Variants in ADAMTS16 observed in about 807,000 individuals in gnomAD.
ADAMTS16 encodes ADAM metallopeptidase with thrombospondin type 1 motif 16.
ADAMTS16 carries 94 observed loss-of-function variants against 145.8 expected under a neutral mutation model. The observed-to-expected ratio is 0.64, with a 90% CI of 0.55 to 0.77. ADAMTS16 has a LOEUF of 0.77. ADAMTS16 is among the 30% of genes least tolerant of loss of function. ADAMTS16 has a pLI of 0.00. For synonymous variants in ADAMTS16, 659 were observed against 604.3 expected (o/e 1.09, Z -1.33); for missense variants, 1,585 against 1,591.5 (o/e 1.00, Z 0.07).
intron 6 of ADAMTS16, 65 bp from the exon 7 acceptor site, chr5:5,189,906 A>G (rs959415612): frequency 4.4e-6 from 7 of 1,583,276 alleles, no homozygotes; most frequent in Middle Eastern, 1.8e-4. Context: ...TGCTGTGATG[A>G]CAATGCATTA....
chr5:5,302,786 G>A (rs1739838782), intron 18 of ADAMTS16, among the ~76,000 whole-genome samples: 1 of 152,056 alleles, frequency 6.6e-6, no homozygotes, highest in Non-Finnish European at 1.5e-5. Context: ...ATGTTATGGT[G>A]ATATTACGGT....
At chr5:5,244,356 G>A (rs192063504) in intron 17 of ADAMTS16, among the ~76,000 whole-genome samples, 18 of 152,302 alleles carry the variant, frequency 1.2e-4, no homozygotes, top group Admixed American at 4.6e-4. Flanking sequence ...CAAGAAGCAC[G>A]TTATTGCCAT....
At chr5:5,149,263 A>C (rs1734387653) in intron 3 of ADAMTS16, among the ~76,000 whole-genome samples, 1 of 152,186 alleles carries the variant, frequency 6.6e-6, no homozygotes, top group African/African-American at 2.4e-5. Flanking sequence ...GGTCCCTGTT[A>C]TATTTATGTC....
rs199905954 is a variant in ADAMTS16, at chr5:5,306,644, C to A, written c.3327C>A (p.Cys1109Ter). The A allele has an allele frequency of 6.2e-7, 1 of 1,614,032 alleles. No individual in the cohort carries two copies. The highest frequency in any genetic ancestry group is 8.5e-7 in the Non-Finnish European group (1 of 1,180,038). The change falls in exon 21 of 23, where the codon TGC becomes TGA. Residue 1109 changes from cysteine to a stop codon, truncating the protein, a stop_gained. Coordinates refer to ENST00000274181, the MANE Select transcript of ADAMTS16 (RefSeq NM_139056.4). LOFTEE classifies it high-confidence loss of function. ...PKPSLELERA[C>*]APLPCPRHPP... Reference sequence around the variant, plus strand: ...CCAGCCTGGAGCTGGAACGTGCCTGCGCCCCGCTTCCATGCCCCAGGCACC... The same window carrying A: ...CCAGCCTGGAGCTGGAACGTGCCTGAGCCCCGCTTCCATGCCCCAGGCACC...
At chr5:5,186,904 G>A (rs75512655) in intron 5 of ADAMTS16, among the ~76,000 whole-genome samples, 14,152 of 152,204 alleles carry the variant, frequency 0.093, 890 homozygotes, top group Middle Eastern at 0.17. Flanking sequence ...GTATGTCTTT[G>A]CATTCTTCTG....
chr5:5,288,885 A>T (rs994238076), intron 18 of ADAMTS16, among the ~76,000 whole-genome samples: 2 of 152,134 alleles, frequency 1.3e-5, no homozygotes, highest in Non-Finnish European at 2.9e-5. Context: ...GCTGACCATC[A>T]ACGACCTCTG....
intron 21 of ADAMTS16, among the ~76,000 whole-genome samples, chr5:5,309,527 G>A (rs533416478): frequency 2.0e-5 from 3 of 152,230 alleles, no homozygotes; most frequent in South Asian, 2.1e-4. Flanking sequence ...TTCAATGAGC[G>A]GGTCCCGGCA....
chr5:5,190,412 T>A (rs1735632400), intron 7 of ADAMTS16, among the ~76,000 whole-genome samples: 1 of 152,196 alleles, frequency 6.6e-6, no homozygotes, highest in African/African-American at 2.4e-5. Context: ...CTTCTACTGC[T>A]TGTGCCAATG....
At chr5:5,231,987 T>G (rs530199974) in intron 11 of ADAMTS16, among the ~76,000 whole-genome samples, 7 of 152,320 alleles carry the variant, frequency 4.6e-5, no homozygotes, top group African/African-American at 1.7e-4. Flanking sequence ...CTCTCTGTTC[T>G]GAACATGAGA....
At chr5:5,166,243 T>TCACACA (rs141620778) in intron 3 of ADAMTS16, among the ~76,000 whole-genome samples, 5 of 149,648 alleles carry the variant, frequency 3.3e-5, no homozygotes, top group Non-Finnish European at 1.5e-5. Context: ...CCACTCACCA[T>TCACACA]CACACACACA....
chr5:5,146,762 A>T (rs1734310075), intron 3 of ADAMTS16, among the ~76,000 whole-genome samples: 1 of 152,170 alleles, frequency 6.6e-6, no homozygotes, highest in South Asian at 2.1e-4. Context: ...TTCTTAGGGG[A>T]TGTTTTTACT....
intron 17 of ADAMTS16, among the ~76,000 whole-genome samples, chr5:5,252,025 A>G (rs575182963): frequency 2.0e-5 from 3 of 152,086 alleles, no homozygotes; most frequent in East Asian, 1.9e-4. Context: ...TACTTTTTGT[A>G]TTTTTAGTAG....
intron 17 of ADAMTS16, among the ~76,000 whole-genome samples, chr5:5,249,015 G>T (rs192449398): frequency 2.0e-5 from 3 of 152,200 alleles, no homozygotes; most frequent in Non-Finnish European, 4.4e-5. Flanking sequence ...ATAATTCACT[G>T]AATGCAAGCT....
At chr5:5,233,596 G>T (rs1441473781) in intron 12 of ADAMTS16, among the ~76,000 whole-genome samples, 1 of 152,098 alleles carries the variant, frequency 6.6e-6, no homozygotes, top group Admixed American at 6.6e-5. Context: ...GCGGTATTTG[G>T]TTTTCTGTCC....
intron 18 of ADAMTS16, among the ~76,000 whole-genome samples, chr5:5,283,490 C>T (rs558544343): frequency 3.9e-4 from 60 of 152,144 alleles, no homozygotes; most frequent in African/African-American, 1.4e-3. Context: ...CCCAGAAAGC[C>T]CACAGGACTC....
At chr5:5,214,165 C>T (rs992899903) in intron 10 of ADAMTS16, among the ~76,000 whole-genome samples, 2 of 152,168 alleles carry the variant, frequency 1.3e-5, no homozygotes, top group African/African-American at 2.4e-5. Context: ...ATTGTCAAGA[C>T]CTGAAACAAT....
chr5:5,197,143 A>G (rs1391836187), intron 8 of ADAMTS16, among the ~76,000 whole-genome samples: 1 of 152,224 alleles, frequency 6.6e-6, no homozygotes, highest in Admixed American at 6.5e-5. Context: ...ACATTGGCCC[A>G]TGGTTCCTTT....
At chr5:5,167,715 G>T (rs1734920687) in intron 3 of ADAMTS16, among the ~76,000 whole-genome samples, 1 of 152,212 alleles carries the variant, frequency 6.6e-6, no homozygotes, top group Non-Finnish European at 1.5e-5. Flanking sequence ...TTTCAAAGAT[G>T]TGTTAATTAC....
intron 3 of ADAMTS16, among the ~76,000 whole-genome samples, chr5:5,168,352 CATTATTATTATT>C (rs70965930): frequency 5.7e-5 from 8 of 139,806 alleles, no homozygotes; most frequent in East Asian, 2.1e-4. Context: ...TTATCCGAAA[CATTATTATTATT>C]ATTATTATTA....
Sources: gnomAD v4.1 joint callset for allele counts (sites outside exome capture counted in the v4.1 genomes callset) on GRCh38, gnomAD v4.1.1 for gene constraint, MANE v1.5 for transcripts, NCBI Gene and HGNC (gene_info 2026-07-23, HGNC 2026-07-21) for gene names.